The following KAZN variants were observed in gnomAD, a reference collection of about 807,000 sequenced individuals.
KAZN encodes kazrin, periplakin interacting protein.
Under a neutral mutation model 87.4 loss-of-function variants are expected in KAZN, and 40 were observed. That is an observed-to-expected ratio of 0.46 (90% CI 0.36 to 0.60). KAZN has a LOEUF of 0.60. Ranked by LOEUF, KAZN falls within the 20% of genes least tolerant of loss-of-function variation. The probability of loss-of-function intolerance (pLI) is 0.00; values close to 1 mark genes in which losing one functional copy is unlikely to be tolerated. For missense variants in KAZN, 898 were observed against 1,073.9 expected (o/e 0.84, Z 2.29); for synonymous variants, 466 against 458.3 (o/e 1.02, Z -0.22).
intron 2 of KAZN, among the ~76,000 whole-genome samples, chr1:14,335,636 T>G (rs973919731): frequency 2.0e-5 from 3 of 152,182 alleles, no homozygotes. Flanking sequence ...GCCATACTTG[T>G]ATGGCCTGCA....
At chr1:14,679,259 G>A (rs994347506) in intron 1 of KAZN, among the ~76,000 whole-genome samples, 1 of 152,134 alleles carries the variant, frequency 6.6e-6, no homozygotes, top group East Asian at 1.9e-4. Context: ...CAAGGGGAAA[G>A]CCTGGGCCAG....
intron 2 of KAZN, among the ~76,000 whole-genome samples, chr1:14,471,494 TTGGCTTTTGCTTCCATTGA>T (rs1302107372): frequency 6.6e-6 from 1 of 152,156 alleles, no homozygotes; most frequent in African/African-American, 2.4e-5. Context: ...GATTGAGCTA[TTGGCTTTTGCTTCCATTGA>T]GCCAATGGAA....
chr1:14,209,763 A>G (rs1394013075), intron 2 of KAZN, among the ~76,000 whole-genome samples: 4 of 152,202 alleles, frequency 2.6e-5, no homozygotes, highest in Admixed American at 6.5e-5. Context: ...AATATTGGCT[A>G]TTAATATGCA....
chr1:13,934,674 C>T (rs1640653132), intron 1 of KAZN, among the ~76,000 whole-genome samples: 2 of 152,128 alleles, frequency 1.3e-5, no homozygotes, highest in South Asian at 2.1e-4. Context: ...TTCTCTCTGC[C>T]TGTTGAAACC....
At chr1:14,724,761 A>G (rs1643299783) in intron 1 of KAZN, among the ~76,000 whole-genome samples, 1 of 152,164 alleles carries the variant, frequency 6.6e-6, no homozygotes, top group Non-Finnish European at 1.5e-5. Context: ...GTTGGCTTTG[A>G]TGGGCTGCGG....
intron 1 of KAZN, among the ~76,000 whole-genome samples, chr1:14,049,042 A>T (rs1396686752): frequency 6.6e-6 from 1 of 152,186 alleles, no homozygotes; most frequent in African/African-American, 2.4e-5. Flanking sequence ...ACTATTCACA[A>T]TAGCAAAGAC....
intron 2 of KAZN, among the ~76,000 whole-genome samples, chr1:14,503,950 A>C (rs550486315): frequency 5.9e-5 from 9 of 152,272 alleles, no homozygotes; most frequent in African/African-American, 2.2e-4. Context: ...GCCCAGTACA[A>C]GGGTGAGGCA....
chr1:14,734,091 G>A (rs1557434904), intron 1 of KAZN, among the ~76,000 whole-genome samples: 1 of 152,140 alleles, frequency 6.6e-6, no homozygotes, highest in Non-Finnish European at 1.5e-5. Context: ...AGGAACTTTG[G>A]TCTTGGAAGT....
At chr1:14,095,751 A>T (rs1308384023) in intron 1 of KAZN, among the ~76,000 whole-genome samples, 1 of 152,146 alleles carries the variant, frequency 6.6e-6, no homozygotes, top group Non-Finnish European at 1.5e-5. Flanking sequence ...ACGGTTTCTC[A>T]GGGTTCCCAG....
chr1:14,168,667 A>G (rs6692372), intron 1 of KAZN, among the ~76,000 whole-genome samples: 22,136 of 152,174 alleles, frequency 0.15, 1,831 homozygotes, highest in East Asian at 0.33. Flanking sequence ...TGTAGCGATG[A>G]ATTGTCATAT....
intron 2 of KAZN, among the ~76,000 whole-genome samples, chr1:14,399,815 T>TAC (rs56305129): frequency 0.15 from 22,868 of 151,950 alleles, 1,829 homozygotes; most frequent in East Asian, 0.23. Context: ...ACTCATCAAT[T>TAC]ACCTCTTCCC....
chr1:14,831,328 A>G (rs990573814), intron 1 of KAZN, among the ~76,000 whole-genome samples: 5 of 152,020 alleles, frequency 3.3e-5, no homozygotes, highest in Admixed American at 6.5e-5. Context: ...ATTCCTGGCA[A>G]TCCCAGTTCC....
chr1:14,210,032 CG>C (rs1646821119), intron 2 of KAZN, among the ~76,000 whole-genome samples: 1 of 152,148 alleles, frequency 6.6e-6, no homozygotes, highest in African/African-American at 2.4e-5. Flanking sequence ...TTGAGGCCAG[CG>C]GTGGTGCTGG....
intron 2 of KAZN, among the ~76,000 whole-genome samples, chr1:15,027,289 C>T (rs1357142807): frequency 2.6e-5 from 4 of 151,850 alleles, no homozygotes; most frequent in East Asian, 3.9e-4. Context: ...ACCATGTTAG[C>T]CAGGATGGTC....
chr1:14,341,156 G>A (rs1394780539), intron 2 of KAZN, among the ~76,000 whole-genome samples: 1 of 364 alleles, frequency 2.7e-3, no homozygotes, highest in Non-Finnish European at 4.7e-3. Context: ...GCCTCCCAAA[G>A]TGTTGGGATT....
intron 2 of KAZN, among the ~76,000 whole-genome samples, chr1:14,438,700 A>G (rs979739593): frequency 6.6e-6 from 1 of 152,220 alleles, no homozygotes; most frequent in Non-Finnish European, 1.5e-5. Flanking sequence ...CTTGTCAGCC[A>G]CTGGAAGGGT....
intron 1 of KAZN, among the ~76,000 whole-genome samples, chr1:14,809,666 G>A (rs186558948): frequency 4.1e-4 from 62 of 152,344 alleles, no homozygotes; most frequent in Middle Eastern, 3.4e-3. Context: ...CTGGTAGGCA[G>A]AATAAGCTTT....
At chr1:14,156,279 T>C (rs1383080709) in intron 1 of KAZN, among the ~76,000 whole-genome samples, 2 of 152,332 alleles carry the variant, frequency 1.3e-5, no homozygotes, top group South Asian at 2.1e-4. Context: ...TTGAGAGTGA[T>C]TCATGTGCTG....
intron 1 of KAZN, among the ~76,000 whole-genome samples, chr1:14,656,863 C>T (rs1329050777): frequency 1.3e-5 from 2 of 152,182 alleles, no homozygotes; most frequent in African/African-American, 4.8e-5. Context: ...CGGGCAGAGA[C>T]ACAAATTCAA....
Sources: gnomAD v4.1 joint callset for allele counts (sites outside exome capture counted in the v4.1 genomes callset) on GRCh38, gnomAD v4.1.1 for gene constraint, MANE v1.5 for transcripts, NCBI Gene and HGNC (gene_info 2026-07-23, HGNC 2026-07-21) for gene names.